Variants in C3orf70 observed in about 807,000 individuals in gnomAD.
The protein encoded by C3orf70 is chromosome 3 open reading frame 70, also known as UPF0524 protein C3orf70.
In C3orf70, 15 loss-of-function variants were observed where a neutral mutation model predicts 20.7. That is an observed-to-expected ratio of 0.72 (90% confidence interval 0.48 to 1.11). The LOEUF is 1.11. C3orf70 is among the 50% of genes most tolerant of loss of function. The pLI is 0.00. For synonymous variants in C3orf70, 161 were observed against 125.7 expected, an observed-to-expected ratio of 1.28 and a Z score of -1.88; for missense variants, 332 against 317.6, an observed-to-expected ratio of 1.05 and a Z score of -0.34.
At chr3:185,151,734 C>T (rs1184847250) in intron 1 of C3orf70, among the ~76,000 whole-genome samples, 1 of 152,114 alleles carries the variant, frequency 6.6e-6, no homozygotes, top group African/African-American at 2.4e-5. Flanking sequence ...AATAAGCACT[C>T]CAAAACCCTC....
At chr3:185,091,880 A>C (rs62289760) in intron 1 of C3orf70, among the ~76,000 whole-genome samples, 3 of 123,978 alleles carry the variant, frequency 2.4e-5, no homozygotes, top group Non-Finnish European at 4.9e-5. Context: ...ATATATATAT[A>C]ATATATATAC....
intron 1 of C3orf70, among the ~76,000 whole-genome samples, chr3:185,141,080 C>G (rs925178159): frequency 2.6e-5 from 4 of 152,116 alleles, no homozygotes; most frequent in Non-Finnish European, 5.9e-5. Flanking sequence ...GAAGACAACC[C>G]TTCCCAGAAC....
intron 1 of C3orf70, among the ~76,000 whole-genome samples, chr3:185,119,038 A>T (rs1716238973): frequency 6.6e-6 from 1 of 152,182 alleles, no homozygotes; most frequent in African/African-American, 2.4e-5. Context: ...TTAATACATG[A>T]TCTATCCCTT....
chr3:185,091,943 ATATATATATATATATATATATTTTTTT>A lies in C3orf70; in HGVS notation c.197-8407_197-8381del, dbSNP rs1561330880. ...TATATATATATATATATATATATAT[ATATATATATATATATATATATTTTTTT>A]TTTTTTTTAGTAGAGACAGGGTTTC... is the stretch of plus-strand genomic sequence containing the variant. On this transcript the variant is annotated intron_variant, in intron 1 of 1. Coordinates refer to ENST00000335012, the MANE Select transcript of C3orf70 (RefSeq NM_001025266.3). Among the ~76,000 whole-genome samples the A allele has an allele frequency of 7.7e-3, 62 of 8,010 alleles. 8 individuals carry two copies. Among genetic ancestry groups the A allele is most frequent in the East Asian group, 0.012 (3 of 250 alleles). 5.3% of individuals were successfully genotyped at this position (8,010 alleles called of 152,430 possible). A position where few individuals can be genotyped will look rare whatever the true frequency, so the allele number is the denominator to read the frequency against.
At chr3:185,095,829 T>C (rs561400174) in intron 1 of C3orf70, among the ~76,000 whole-genome samples, 6 of 148,524 alleles carry the variant, frequency 4.0e-5, no homozygotes, top group Admixed American at 3.5e-4. Flanking sequence ...CTCCACCTCC[T>C]GGGTTCAAGC....
intron 1 of C3orf70, among the ~76,000 whole-genome samples, chr3:185,118,947 G>A (rs534843923): frequency 2.6e-5 from 4 of 152,324 alleles, no homozygotes; most frequent in South Asian, 2.1e-4. Context: ...CTTTACAGAC[G>A]ATGGTAATGA....
intron 1 of C3orf70, among the ~76,000 whole-genome samples, chr3:185,087,534 A>G (rs1715482699): frequency 6.6e-6 from 1 of 152,248 alleles, no homozygotes; most frequent in Non-Finnish European, 1.5e-5. Flanking sequence ...CCTTGAGGAC[A>G]CTATGCTAAG....
chr3:185,118,285 G>A (rs1441242633), intron 1 of C3orf70, among the ~76,000 whole-genome samples: 5 of 152,076 alleles, frequency 3.3e-5, no homozygotes, highest in Admixed American at 2.0e-4. Context: ...CTTTAAGCTC[G>A]GGCATCCTCC....
At chr3:185,152,372 C>T (rs1483283144) in intron 1 of C3orf70, among the ~76,000 whole-genome samples, 1 of 152,192 alleles carries the variant, frequency 6.6e-6, no homozygotes, top group Non-Finnish European at 1.5e-5. Flanking sequence ...CAGGGAGCTC[C>T]CTTTTGTAGA....
chr3:185,112,721 G>C (rs1490662452), intron 1 of C3orf70, among the ~76,000 whole-genome samples: 1 of 152,128 alleles, frequency 6.6e-6, no homozygotes, highest in Non-Finnish European at 1.5e-5. Flanking sequence ...TATCAATATA[G>C]TTGAAGTCTC....
chr3:185,119,977 G>A (rs1363905429), intron 1 of C3orf70, among the ~76,000 whole-genome samples: 12 of 136,494 alleles, frequency 8.8e-5, no homozygotes, highest in African/African-American at 1.4e-4. Flanking sequence ...AGCTGAGATC[G>A]TGACACTGCA....
chr3:185,134,325 G>C (rs1374783535), intron 1 of C3orf70, among the ~76,000 whole-genome samples: 1 of 152,050 alleles, frequency 6.6e-6, no homozygotes, highest in Non-Finnish European at 1.5e-5. Flanking sequence ...CAGGAAAATG[G>C]AATAGATACT....
chr3:185,086,067 G>A (rs1302839025), intron 1 of C3orf70, among the ~76,000 whole-genome samples: 4 of 152,174 alleles, frequency 2.6e-5, no homozygotes, highest in Non-Finnish European at 5.9e-5. Context: ...AGCCACAGGA[G>A]GATCCTCGTA....
chr3:185,148,374 C>T (rs1025703285), intron 1 of C3orf70, among the ~76,000 whole-genome samples: 1 of 152,154 alleles, frequency 6.6e-6, no homozygotes, highest in African/African-American at 2.4e-5. Flanking sequence ...TAGTGAATGG[C>T]ACCACCATCC....
At chr3:185,145,502 T>A (rs1329114114) in intron 1 of C3orf70, among the ~76,000 whole-genome samples, 1 of 152,162 alleles carries the variant, frequency 6.6e-6, no homozygotes, top group Non-Finnish European at 1.5e-5. Flanking sequence ...TTTTATAGAG[T>A]TCACAACCAT....
intron 1 of C3orf70, among the ~76,000 whole-genome samples, chr3:185,098,879 T>G (rs1364592508): frequency 6.6e-6 from 1 of 152,130 alleles, no homozygotes; most frequent in Non-Finnish European, 1.5e-5. Context: ...CTCCAGTGAT[T>G]TCCCGTGGGC....
At chr3:185,083,704 T>C (rs2108585779) in intron 1 of C3orf70, 141 bp from the exon 2 acceptor site, 1 of 675,086 alleles carries the variant, frequency 1.5e-6, no homozygotes, top group Non-Finnish European at 2.4e-6. Context: ...TCATTCAACA[T>C]TGGTATAGTC....
intron 1 of C3orf70, among the ~76,000 whole-genome samples, chr3:185,085,458 A>G (rs1241658183): frequency 6.6e-6 from 1 of 152,134 alleles, no homozygotes; most frequent in Non-Finnish European, 1.5e-5. Context: ...CTCTAAAAAG[A>G]CCTTCATTTT....
rs754007451 is a variant in C3orf70 at position 185,083,304 on chromosome 3, T to A, written c.456A>T (p.Pro152=). The change falls in exon 2 of 2, where the codon CCA becomes CCT. Residue 152 remains proline, a synonymous_variant. Transcript: ENST00000335012. The part of the protein sequence containing the change: ...KMCYVQKQPA[P]HSHRMSPEEV... ...CCTCAGGGCTCATTCTGTGGGAATG[T>A]GGTGCCGGCTGCTTCTGCACATAAC... is the stretch of plus-strand genomic sequence containing the variant. 6.2e-7 allele frequency: 1 copy of A among 1,614,208 alleles called. No individual in the cohort carries two copies.
Sources: allele counts gnomAD v4.1 joint callset (sites outside exome capture counted in the v4.1 genomes callset), GRCh38; gene constraint gnomAD v4.1.1; transcripts MANE v1.5; gene names NCBI Gene and HGNC (gene_info 2026-07-23, HGNC 2026-07-21).